Variants in C12orf42 observed in about 807,000 individuals in gnomAD.
C12orf42 encodes the protein chromosome 12 open reading frame 42, also known as uncharacterized protein C12orf42.
Under a neutral mutation model 21.6 loss-of-function variants are expected in C12orf42, and 25 were observed. That is an observed-to-expected ratio of 1.16 (90% confidence interval 0.84 to 1.62). The LOEUF is 1.62. Ranked by LOEUF, C12orf42 falls within the 40% of genes most tolerant of loss-of-function variation. The pLI is 0.00. For missense variants in C12orf42, 483 were observed against 459.3 expected, an observed-to-expected ratio of 1.05 and a Z score of -0.47; for synonymous variants, 174 against 175.0, an observed-to-expected ratio of 0.99 and a Z score of 0.05.
chr12:103,184,239 G>T, the C12orf42 span, among the ~76,000 whole-genome samples: 1 of 151,962 alleles, frequency 6.6e-6, no homozygotes, highest in East Asian at 1.9e-4. Context: ...TTATTGTTTG[G>T]TGCATACCTG....
intron 2 of C12orf42, among the ~76,000 whole-genome samples, chr12:103,444,930 AT>A (rs1287320593): frequency 1.3e-5 from 2 of 152,010 alleles, no homozygotes; most frequent in Non-Finnish European, 2.9e-5. Context: ...TCTTAAATAT[AT>A]TTTTGATATT....
At chr12:103,065,627 C>A in the C12orf42 span, among the ~76,000 whole-genome samples, 4 of 152,304 alleles carry the variant, frequency 2.6e-5, no homozygotes, top group East Asian at 5.8e-4. Context: ...ATTAATGAGA[C>A]GTTTGTGTGC....
At chr12:103,382,831 T>A (rs1436500863) in intron 3 of C12orf42, among the ~76,000 whole-genome samples, 1 of 152,176 alleles carries the variant, frequency 6.6e-6, no homozygotes, top group African/African-American at 2.4e-5. Context: ...CTTTCCTATA[T>A]GTTTATCTTT....
intron 4 of C12orf42, among the ~76,000 whole-genome samples, chr12:103,367,762 T>C (rs2044749440): frequency 1.3e-5 from 2 of 152,006 alleles, no homozygotes; most frequent in African/African-American, 2.4e-5. Flanking sequence ...CATGTAAATG[T>C]ATTATCCCCC....
At chr12:103,265,295 G>A (rs1323080357), downstream of C12orf42, among the ~76,000 whole-genome samples, 1 of 152,108 alleles carries the variant, frequency 6.6e-6, no homozygotes, top group African/African-American at 2.4e-5. Context: ...GCAGTTCTTG[G>A]TTTCTTTCAG....
chr12:103,422,978 C>T (rs1034919007), intron 2 of C12orf42, among the ~76,000 whole-genome samples: 1 of 152,166 alleles, frequency 6.6e-6, no homozygotes, highest in Non-Finnish European at 1.5e-5. Flanking sequence ...ACACTTGATG[C>T]TCTCATTATA....
the C12orf42 span, among the ~76,000 whole-genome samples, chr12:103,186,661 T>C: frequency 6.6e-6 from 1 of 152,112 alleles, no homozygotes; most frequent in African/African-American, 2.4e-5. Context: ...TCATGAAAAA[T>C]CATGAATTAA....
the C12orf42 span, among the ~76,000 whole-genome samples, chr12:103,177,874 T>C: frequency 2.9e-4 from 44 of 151,154 alleles, no homozygotes; most frequent in East Asian, 4.1e-3. Context: ...TGTGTGTGTG[T>C]GCGCGCGCGC....
intron 2 of C12orf42, among the ~76,000 whole-genome samples, chr12:103,444,394 C>T (rs919449036): frequency 3.9e-5 from 6 of 152,042 alleles, no homozygotes; most frequent in African/African-American, 1.4e-4. Context: ...GCATTTTAAA[C>T]ATCATTTATT....
chr12:103,116,269 C>T, the C12orf42 span, among the ~76,000 whole-genome samples: 3 of 151,416 alleles, frequency 2.0e-5, no homozygotes, highest in African/African-American at 7.3e-5. Context: ...GAGGCTGAGG[C>T]GGGAAAATCG....
intron 4 of C12orf42, among the ~76,000 whole-genome samples, chr12:103,352,318 T>A (rs913177440): frequency 6.6e-6 from 1 of 152,156 alleles, no homozygotes; most frequent in African/African-American, 2.4e-5. Flanking sequence ...GGGATGGTGC[T>A]GTGCAGGATA....
At chr12:103,283,909 T>C (rs2036282025) in intron 4 of C12orf42, among the ~76,000 whole-genome samples, 1 of 152,236 alleles carries the variant, frequency 6.6e-6, no homozygotes, top group Admixed American at 6.5e-5. Flanking sequence ...TTGAACAATT[T>C]TCCGGGCAAA....
At chr12:103,224,525 TG>T in the C12orf42 span, among the ~76,000 whole-genome samples, 1 of 152,088 alleles carries the variant, frequency 6.6e-6, no homozygotes, top group Non-Finnish European at 1.5e-5. Context: ...GATACAGTCA[TG>T]GGGGTCAGGT....
chr12:103,231,093 TA>T, the C12orf42 span, among the ~76,000 whole-genome samples: 1 of 152,244 alleles, frequency 6.6e-6, no homozygotes, highest in East Asian at 1.9e-4. Context: ...AATTATCCTT[TA>T]AAAATTGATT....
chr12:103,349,779 TA>T (rs2042956147), intron 4 of C12orf42, among the ~76,000 whole-genome samples: 2 of 152,112 alleles, frequency 1.3e-5, no homozygotes, highest in South Asian at 4.1e-4. Context: ...AATACAATGG[TA>T]AAATGTTTTT....
the C12orf42 span, among the ~76,000 whole-genome samples, chr12:103,094,690 T>G: frequency 6.6e-6 from 1 of 152,216 alleles, no homozygotes; most frequent in Non-Finnish European, 1.5e-5. Flanking sequence ...AATAGATTCC[T>G]CTTTAAATCA....
chr12:103,104,891 G>A, the C12orf42 span, among the ~76,000 whole-genome samples: 4 of 152,186 alleles, frequency 2.6e-5, no homozygotes, highest in African/African-American at 9.7e-5. Flanking sequence ...CACACACAAG[G>A]TCATGGAAGT....
At chr12:103,166,967 G>A in the C12orf42 span, among the ~76,000 whole-genome samples, 1 of 151,988 alleles carries the variant, frequency 6.6e-6, no homozygotes, top group Admixed American at 6.6e-5. Context: ...ACATCTACCT[G>A]ACAACATTTT....
At chr12:103,260,880 G>A (rs1003820499) in intron 10 of C12orf42, among the ~76,000 whole-genome samples, 5 of 152,118 alleles carry the variant, frequency 3.3e-5, no homozygotes, top group Admixed American at 2.6e-4. Flanking sequence ...CTCTGATTTA[G>A]GATTTGTGGC....
Sources: gnomAD v4.1 joint callset for allele counts (sites outside exome capture counted in the v4.1 genomes callset) on GRCh38, gnomAD v4.1.1 for gene constraint, MANE v1.5 for transcripts, NCBI Gene and HGNC (gene_info 2026-07-23, HGNC 2026-07-21) for gene names.